Variants in HNRNPAB observed in about 807,000 individuals in gnomAD.
HNRNPAB encodes the protein heterogeneous nuclear ribonucleoprotein A/B.
Under a neutral mutation model 44.1 loss-of-function variants are expected in HNRNPAB, and 17 were observed. The observed-to-expected ratio is 0.39, with a 90% CI of 0.26 to 0.58. The LOEUF is 0.58. Ranked by LOEUF, HNRNPAB falls within the 20% of genes least tolerant of loss-of-function variation. The pLI is 0.63. For synonymous variants in HNRNPAB, 183 were observed against 167.6 expected (o/e 1.09, Z -0.71); for missense variants, 393 against 432.7 (o/e 0.91, Z 0.81).
At chr5:178,210,412 T>G (rs1757864616) in intron 7 of HNRNPAB, 140 bp downstream of exon 7, 1 of 1,542,914 alleles carries the variant, frequency 6.5e-7, no homozygotes, top group Non-Finnish European at 8.8e-7. Flanking sequence ...TTTTGAGCCT[T>G]AGACTTCGGG....
intron 2 of HNRNPAB, among the ~76,000 whole-genome samples, 180 bp downstream of exon 2, chr5:178,205,226 G>A (rs1291118168): frequency 2.6e-5 from 4 of 150,958 alleles, no homozygotes; most frequent in Non-Finnish European, 5.9e-5. Context: ...TGGAGTTTGC[G>A]GGAGTTTGTT....
At chr5:178,207,501 A>G (rs1163443962) in intron 5 of HNRNPAB, among the ~76,000 whole-genome samples, 2 of 152,070 alleles carry the variant, frequency 1.3e-5, no homozygotes, top group African/African-American at 2.4e-5. Flanking sequence ...TTAGCTCCTC[A>G]CTTAAAGCTA....
chr5:178,209,760 A>G (rs544658352), intron 6 of HNRNPAB, among the ~76,000 whole-genome samples: 1 of 152,238 alleles, frequency 6.6e-6, no homozygotes. Flanking sequence ...AGGTAGGCAG[A>G]AGGGTGGGTA....
intron 5 of HNRNPAB, chr5:178,208,992 C>T: frequency 3.9e-6 from 1 of 255,612 alleles, no homozygotes; most frequent in South Asian, 5.7e-5. Flanking sequence ...CCCTCTAGCC[C>T]AGCAGGACCA....
chr5:178,210,499 G>C, intron 7 of HNRNPAB, 54 bp from the exon 8 acceptor site: 1 of 1,565,208 alleles, frequency 6.4e-7, no homozygotes, highest in South Asian at 1.1e-5. Context: ...TCAAGCGCGT[G>C]GCACAGGGCA....
chr5:178,204,792 C>G, intron 1 of HNRNPAB, 23 bp from the exon 2 acceptor site: 2 of 1,171,520 alleles, frequency 1.7e-6, no homozygotes, highest in Non-Finnish European at 2.1e-6. Context: ...GCCGGCCTGA[C>G]GCGCTGTCGC....
chr5:178,210,504 A>C, intron 7 of HNRNPAB, 49 bp from the exon 8 acceptor site: 1 of 1,577,326 alleles, frequency 6.3e-7, no homozygotes, highest in Non-Finnish European at 8.7e-7. Flanking sequence ...CGCGTGGCAC[A>C]GGGCAAATGC....
chr5:178,209,509 T>C (rs973003945), intron 6 of HNRNPAB, 62 bp downstream of exon 6: 7 of 1,406,730 alleles, frequency 5.0e-6, no homozygotes, highest in Non-Finnish European at 7.0e-6. Context: ...CTTCCAAGCC[T>C]GTCTTGGGGC....
chr5:178,204,956 C>G lies in HNRNPAB; in HGVS notation c.119C>G (p.Ala40Gly). ...GCTGGCACGGGCGCCGCGGCGGGGGCTGGAGGCGCGACCGCGGCGCCCCCG... is the reference window on the plus strand; with the variant it reads ...GCTGGCACGGGCGCCGCGGCGGGGGGTGGAGGCGCGACCGCGGCGCCCCCG... The part of the protein sequence containing the change: ...AGAGTGAAAG[A>G]GGATAAPPSG... Residue 40 changes from alanine (A) to glycine (G), a missense_variant, in exon 2 of 8, where the codon GCT (alanine) becomes GGT (glycine). Around this residue, in one of 3 missense-constraint regions of HNRNPAB, gnomAD observed 81 missense variants for 73.4 expected, o/e 1.10. Coordinates refer to ENST00000358344, the MANE Select transcript of HNRNPAB (RefSeq NM_031266.3). 8.3e-7 allele frequency: 1 copy of G among 1,209,278 alleles called. No homozygotes were observed. Among genetic ancestry groups the G allele is most frequent in the Non-Finnish European group, 1.0e-6 (1 of 973,638 alleles). The allele number at this position is 1,209,278 out of a possible 1,614,324, so 74.9% of individuals were successfully genotyped here.
chr5:178,207,035 C>G (rs1757095006), intron 4 of HNRNPAB, 59 bp from the exon 5 acceptor site: 2 of 1,599,714 alleles, frequency 1.3e-6, no homozygotes, highest in Non-Finnish European at 1.7e-6. Flanking sequence ...TCCTGTGAGT[C>G]CCCTATATGC....
intron 3 of HNRNPAB, 76 bp downstream of exon 3, chr5:178,206,086 G>A: frequency 7.1e-7 from 1 of 1,405,076 alleles, no homozygotes; most frequent in South Asian, 1.2e-5. Flanking sequence ...CTTAAAGCAT[G>A]ACTAGTTTGT....
rs768242931 is a variant in HNRNPAB, at chr5:178,210,602, G to A, written c.978G>A (p.Gln326=). ...YGKSQRRGGH[Q]NNYKPY ...AGAGCCAGCGACGTGGTGGCCATCA[G>A]AATAACTACAAGCCATACTGAGGCG... Residue 326 remains glutamine (Q), a synonymous_variant, in exon 8 of 8, where the codon CAG becomes CAA. Coordinates refer to ENST00000358344, the MANE Select transcript of HNRNPAB (RefSeq NM_031266.3). 7 of 1,613,938 alleles carry A rather than the reference G, an allele frequency of 4.3e-6. No homozygotes were observed. Among genetic ancestry groups the A allele is most frequent in the Non-Finnish European group, 5.9e-6 (7 of 1,179,928 alleles).
rs17759 is a variant in HNRNPAB at position 178,210,881 on chromosome 5, G to A, written c.*258G>A. ...TTACCAGGTCCCCCAGAAGCAGGTGGGAGGCTCTGCTTCCTGCTGCCGCTC... is the reference window on the plus strand; with the variant it reads ...TTACCAGGTCCCCCAGAAGCAGGTGAGAGGCTCTGCTTCCTGCTGCCGCTC... On this transcript the variant is annotated 3_prime_UTR_variant, in exon 8 of 8. Transcript: ENST00000358344. The A allele has an allele frequency of 0.26, 139,117 of 531,332 alleles. 19,759 individuals are homozygous for A. The highest frequency in any genetic ancestry group is 0.37 in the Admixed American group (10,836 of 29,384). 32.9% of individuals were successfully genotyped at this position (531,332 alleles called of 1,614,324 possible). A position where few individuals can be genotyped will look rare whatever the true frequency, so the allele number is the denominator to read the frequency against.
At chr5:178,206,141 G>A in intron 3 of HNRNPAB, 131 bp downstream of exon 3, 7 of 819,326 alleles carry the variant, frequency 8.5e-6, no homozygotes, top group South Asian at 5.5e-5. Flanking sequence ...ACCCAAAGCC[G>A]GAGGTTATGT....
chr5:178,204,554 C>G lies in HNRNPAB; in HGVS notation c.-210C>G, dbSNP rs985432064. 25 of 220,012 alleles carry G rather than the reference C, an allele frequency of 1.1e-4. No homozygotes were observed. Among genetic ancestry groups the G allele is most frequent in the Admixed American group, 2.9e-4 (5 of 17,372 alleles). 13.6% of individuals were successfully genotyped at this position (220,012 alleles called of 1,614,324 possible). On this transcript the variant is annotated 5_prime_UTR_variant, in exon 1 of 8. Coordinates refer to ENST00000358344, the MANE Select transcript of HNRNPAB (RefSeq NM_031266.3). ...TGTCAGGCGGCGGCACCGCGCGGGACGGAGCTTGGCTGTTGGTCGGTGGGT... is the reference window on the plus strand; with the variant it reads ...TGTCAGGCGGCGGCACCGCGCGGGAGGGAGCTTGGCTGTTGGTCGGTGGGT...
chr5:178,210,819 T>G lies in HNRNPAB; in HGVS notation c.*196T>G. 1 of 603,764 alleles carries G rather than the reference T, an allele frequency of 1.7e-6. No homozygotes were observed. The highest frequency in any genetic ancestry group is 3.0e-6 in the Non-Finnish European group (1 of 336,458). 37.4% of individuals were successfully genotyped at this position (603,764 alleles called of 1,614,324 possible). Reference sequence around the variant, plus strand: ...CTAGGTGTTTAGGCAGCGTGTGGTGTCTGAGAGGCCATAGCGCCATCATGG... The same window carrying G: ...CTAGGTGTTTAGGCAGCGTGTGGTGGCTGAGAGGCCATAGCGCCATCATGG... On this transcript the variant is annotated 3_prime_UTR_variant, in exon 8 of 8. Transcript: ENST00000358344.
chr5:178,206,099 G>A, intron 3 of HNRNPAB, 89 bp downstream of exon 3: 2 of 1,312,648 alleles, frequency 1.5e-6, no homozygotes, highest in South Asian at 1.3e-5. Context: ...TAGTTTGTGT[G>A]GTCTGCATGT....
chr5:178,209,994 A>G, intron 6 of HNRNPAB, 138 bp from the exon 7 acceptor site: 2 of 1,213,192 alleles, frequency 1.6e-6, no homozygotes, highest in Non-Finnish European at 2.3e-6. Flanking sequence ...GGGCCCTTAT[A>G]CACCAGAACA....
rs555561048 is a variant in HNRNPAB at position 178,210,653 on chromosome 5, A to G, written c.*30A>G. The stretch of plus-strand genomic sequence containing the variant: ...GCAGCAGGAGCGACCAACTGATCGC[A>G]CACATGCTTTGTTTGGATATGGAGT... On this transcript the variant is annotated 3_prime_UTR_variant, in exon 8 of 8. Transcript: ENST00000358344. The G allele has an allele frequency of 2.6e-6, 4 of 1,559,714 alleles. No homozygotes were observed. In the African/African-American group the frequency reaches 4.1e-5, roughly 16 times the overall value.
Sources: gnomAD v4.1 joint callset for allele counts (sites outside exome capture counted in the v4.1 genomes callset) on GRCh38, gnomAD v4.1.1 for gene constraint, gnomAD v4.1.1 regional missense constraint, MANE v1.5 for transcripts, NCBI Gene and HGNC (gene_info 2026-07-23, HGNC 2026-07-21) for gene names.